Variants in CES5A observed in about 807,000 individuals in gnomAD.
CES5A encodes carboxylesterase 5A, also known as carboxylesterase 5.
CES5A carries 67 observed loss-of-function variants against 62.9 expected under a neutral mutation model. The ratio of observed to expected loss-of-function variants is 1.07; its 90% CI spans 0.88 to 1.31. CES5A has a LOEUF of 1.31. Among genes scored for constraint, CES5A ranks in the 50% most tolerant of loss-of-function variants. CES5A has a pLI of 0.00. For synonymous variants in CES5A, 296 were observed against 280.8 expected, an observed-to-expected ratio of 1.05 and a Z score of -0.54; for missense variants, 748 against 708.5, an observed-to-expected ratio of 1.06 and a Z score of -0.63.
At chr16:55,865,653 T>C (rs2033441675) in intron 5 of CES5A, among the ~76,000 whole-genome samples, 2 of 152,220 alleles carry the variant, frequency 1.3e-5, no homozygotes, top group Admixed American at 1.3e-4. Context: ...AGTTTCCTAT[T>C]AAACAAGTGA....
At chr16:55,927,050 T>C (rs2034264376), upstream of CES5A, among the ~76,000 whole-genome samples, 1 of 152,182 alleles carries the variant, frequency 6.6e-6, no homozygotes, top group Non-Finnish European at 1.5e-5. Context: ...TGTAGAAGAA[T>C]GAAACTGAAT....
At chr16:55,848,014 A>G (rs1473779244) in intron 11 of CES5A, among the ~76,000 whole-genome samples, 2 of 152,072 alleles carry the variant, frequency 1.3e-5, no homozygotes, top group African/African-American at 4.8e-5. Flanking sequence ...GGCTCAAGCA[A>G]TTCTTCCTGC....
chr16:55,892,677 G>C (rs1432549933), intron 1 of CES5A, among the ~76,000 whole-genome samples: 1 of 149,284 alleles, frequency 6.7e-6, no homozygotes, highest in African/African-American at 2.5e-5. Flanking sequence ...TTCCAGTTAG[G>C]ACATAGAAGC....
At chr16:55,891,529 G>C (rs1298325404) in intron 1 of CES5A, among the ~76,000 whole-genome samples, 2 of 152,166 alleles carry the variant, frequency 1.3e-5, no homozygotes, top group Non-Finnish European at 1.5e-5. Context: ...AGAACAACTC[G>C]AAGCAAAGGC....
At chr16:55,925,992 G>A (rs1260538702), upstream of CES5A, among the ~76,000 whole-genome samples, 1 of 152,058 alleles carries the variant, frequency 6.6e-6, no homozygotes, top group East Asian at 1.9e-4. Context: ...GAAGAATGAA[G>A]AGAAGTTGAT....
At chr16:55,907,911 C>T (rs1364718822) in intron 1 of CES5A, among the ~76,000 whole-genome samples, 1 of 152,194 alleles carries the variant, frequency 6.6e-6, no homozygotes, top group Non-Finnish European at 1.5e-5. Flanking sequence ...GTCTGCTCCA[C>T]AGGAAACTGC....
chr16:55,861,261 T>TCCCTA (rs2033344701), intron 7 of CES5A, 151 bp downstream of exon 7: 1 of 614,024 alleles, frequency 1.6e-6, no homozygotes, highest in Non-Finnish European at 2.9e-6. Context: ...GGGTTCTATA[T>TCCCTA]CCCTACTTAT....
At chr16:55,868,505 C>G (rs1299253832) in intron 4 of CES5A, among the ~76,000 whole-genome samples, 1 of 152,214 alleles carries the variant, frequency 6.6e-6, no homozygotes, top group African/African-American at 2.4e-5. Context: ...TCTGAAGCCT[C>G]CCTGATCCCT....
intron 1 of CES5A, among the ~76,000 whole-genome samples, chr16:55,882,417 C>A (rs1402109756): frequency 3.9e-5 from 6 of 152,186 alleles, no homozygotes; most frequent in African/African-American, 1.4e-4. Flanking sequence ...ATTGCAGGGA[C>A]CACATCATGA....
chr16:55,920,884 A>G (rs766651542), intron 1 of CES5A, among the ~76,000 whole-genome samples: 2 of 152,230 alleles, frequency 1.3e-5, no homozygotes, highest in Non-Finnish European at 2.9e-5. Flanking sequence ...CAGAAAAACA[A>G]TTCAGAAATT....
chr16:55,942,294 T>C (rs2034453714), intron 2 of CES5A, among the ~76,000 whole-genome samples: 5 of 152,126 alleles, frequency 3.3e-5, no homozygotes, highest in African/African-American at 4.8e-5. Flanking sequence ...AAAACACAAA[T>C]GGGGAGAGGT....
At chr16:55,954,874 C>T (rs1008324128) in intron 1 of CES5A, among the ~76,000 whole-genome samples, 96 of 152,274 alleles carry the variant, frequency 6.3e-4, no homozygotes, top group Non-Finnish European at 1.2e-3. Context: ...AATATTATTC[C>T]CATTGCATGG....
In CES5A at chr16:55,925,003, A is replaced by G. The variant is rs544409597; in HGVS notation, c.-256+320T>C. On this transcript the variant is annotated intron_variant, in intron 1 of 12. Transcript: ENST00000518005. Reference sequence around the variant, plus strand: ...CCTCAAAAGCACAGGCAACCAAAGCAAAGATAGACAAATAGGATTAGATTA... The same window carrying G: ...CCTCAAAAGCACAGGCAACCAAAGCGAAGATAGACAAATAGGATTAGATTA... Among the ~76,000 whole-genome samples, 28 of 152,288 alleles carry G rather than the reference A, an allele frequency of 1.8e-4. No individual in the cohort carries two copies. The East Asian group carries it at 5.0e-3, about 27-fold the overall frequency.
Position 55,859,634 on chromosome 16 carries a change from A to G in CES5A, c.969T>C (p.Pro323=). ...ATGCTTTCTGAGACAATAGATCTAG[A>G]GGCTCATTAGGAAAGAAAGCACCAT... ...VVDGAFFPNE[P]LDLLSQKAFK... The change falls in exon 8 of 13, where the codon CCT becomes CCC. Residue 323 remains proline (P), a synonymous_variant. Transcript: ENST00000290567. 6.2e-7 allele frequency: 1 copy of G among 1,613,378 alleles called. No homozygotes were observed. The highest frequency in any genetic ancestry group is 8.5e-7 in the Non-Finnish European group (1 of 1,179,642).
chr16:55,885,892 T>C (rs1313198322), intron 1 of CES5A, among the ~76,000 whole-genome samples: 3 of 152,178 alleles, frequency 2.0e-5, no homozygotes, highest in African/African-American at 7.2e-5. Flanking sequence ...AGCAACAAGA[T>C]GAGGCAAGCA....
intron 10 of CES5A, among the ~76,000 whole-genome samples, chr16:55,852,138 T>C (rs1178463897): frequency 5.9e-5 from 9 of 152,192 alleles, no homozygotes; most frequent in Non-Finnish European, 2.9e-5. Flanking sequence ...GTGATGGTTG[T>C]ACAACAATAT....
At chr16:55,906,648 A>G (rs2034042494) in intron 1 of CES5A, among the ~76,000 whole-genome samples, 1 of 152,206 alleles carries the variant, frequency 6.6e-6, no homozygotes, top group African/African-American at 2.4e-5. Context: ...TGTGCTGGGT[A>G]CCAGAATTGG....
chr16:55,866,687 A>AAAAAAAAAAAAAAAAAAAAAAAAAAAG, intron 4 of CES5A, among the ~76,000 whole-genome samples: 1 of 149,218 alleles, frequency 6.7e-6, no homozygotes, highest in Middle Eastern at 3.5e-3. Context: ...AATACAAAAA[A>AAAAAAAAAAAAAAAAAAAAAAAAAAAG]ATTAGCTGGA....
chr16:55,921,964 C>T (rs535092372), intron 1 of CES5A, among the ~76,000 whole-genome samples: 1 of 151,824 alleles, frequency 6.6e-6, no homozygotes, highest in Admixed American at 6.6e-5. Context: ...GTTATCATGT[C>T]CTTATAATAA....
Sources: gnomAD v4.1 joint callset for allele counts (sites outside exome capture counted in the v4.1 genomes callset) on GRCh38, gnomAD v4.1.1 for gene constraint, MANE v1.5 for transcripts, NCBI Gene and HGNC (gene_info 2026-07-23, HGNC 2026-07-21) for gene names.